Variants in TNKS2 observed in about 807,000 individuals in gnomAD.
TNKS2 encodes tankyrase 2.
A neutral mutation model predicts 137.6 loss-of-function variants in TNKS2; 72 were observed. The ratio of observed to expected loss-of-function variants is 0.52; its 90% CI spans 0.43 to 0.64. The LOEUF (loss-of-function observed/expected upper bound fraction) is 0.64, where lower values mean the gene tolerates loss of function less well. Among genes scored for constraint, TNKS2 ranks in the 30% least tolerant of loss-of-function variants. TNKS2 has a pLI of 0.00. For synonymous variants in TNKS2, 516 were observed against 512.1 expected, an observed-to-expected ratio of 1.01 and a Z score of -0.10; for missense variants, 1,049 against 1,410.2, an observed-to-expected ratio of 0.74 and a Z score of 4.10.
intron 25 of TNKS2, among the ~76,000 whole-genome samples, chr10:91,861,627 G>T (rs1359621619): frequency 1.3e-5 from 2 of 152,154 alleles, no homozygotes; most frequent in African/African-American, 4.8e-5. Flanking sequence ...AAATCAACTG[G>T]AGTTAATTAG....
chr10:91,836,617 T>C, intron 12 of TNKS2: 3 of 984,362 alleles, frequency 3.0e-6, no homozygotes, highest in Non-Finnish European at 3.6e-6. Context: ...TTCCAATGGC[T>C]TGCTTATAGA....
intron 1 of TNKS2, chr10:91,807,551 T>C (rs535937326): frequency 2.1e-6 from 2 of 960,928 alleles, no homozygotes; most frequent in East Asian, 5.0e-5. Context: ...CCATTCTTTC[T>C]TAGCTTTACT....
Position 91,845,894 on chromosome 10 carries a change from C to T in TNKS2, c.2312C>T (p.Pro771Leu), listed in dbSNP as rs768675706. ...TTGTTGCTAGCCCATGGAGCTGACC[C>T]GACTCTTAAAAATCAGGAAGGACAA... is the stretch of plus-strand genomic sequence containing the variant. ...CALLLAHGAD[P>L]TLKNQEGQTP... Residue 771 changes from proline to leucine, a missense_variant, in exon 18 of 27, where the codon CCG becomes CTG. By Grantham distance (98) the Pro-to-Leu change is moderately conservative (BLOSUM62 -3). Transcript: ENST00000371627. 11 of 1,588,072 alleles carry T rather than the reference C, an allele frequency of 6.9e-6. No homozygotes were observed. The highest frequency in any genetic ancestry group is 3.4e-5 in the Admixed American group (2 of 58,848).
chr10:91,857,984 A>G (rs1298869132), intron 24 of TNKS2, among the ~76,000 whole-genome samples: 1 of 152,206 alleles, frequency 6.6e-6, no homozygotes, highest in Non-Finnish European at 1.5e-5. Flanking sequence ...ATGACTGTAG[A>G]ATTGAAACCA....
chr10:91,849,433 C>T (rs535919595), intron 19 of TNKS2, 79 bp from the exon 20 acceptor site: 267 of 1,093,846 alleles, frequency 2.4e-4, no homozygotes, highest in Non-Finnish European at 3.2e-4. Context: ...AGTAACATTA[C>T]AAGACTTTAC....
chr10:91,862,353 G>T (rs1243632907), intron 26 of TNKS2, among the ~76,000 whole-genome samples, 198 bp downstream of exon 26: 1 of 152,092 alleles, frequency 6.6e-6, no homozygotes, highest in Non-Finnish European at 1.5e-5. Flanking sequence ...TTTCCTAAAT[G>T]TTAATATTTT....
chr10:91,859,044 A>G (rs979459332), intron 24 of TNKS2, among the ~76,000 whole-genome samples: 1 of 152,144 alleles, frequency 6.6e-6, no homozygotes, highest in Non-Finnish European at 1.5e-5. Context: ...GTGAAAGTCT[A>G]CTTGGGCCAC....
At chr10:91,850,618 C>T (rs1191472326) in intron 20 of TNKS2, among the ~76,000 whole-genome samples, 3 of 151,618 alleles carry the variant, frequency 2.0e-5, no homozygotes, top group Non-Finnish European at 4.4e-5. Flanking sequence ...ACTCAGGAGG[C>T]TGAGGCAGGA....
In TNKS2 at chr10:91,842,216, T is replaced by G; in HGVS notation, c.1884T>G (p.Pro628=). The change falls in exon 16 of 27, where the codon CCT becomes CCG. Residue 628 remains proline, a synonymous_variant. Coordinates refer to ENST00000371627, the MANE Select transcript of TNKS2 (RefSeq NM_025235.4). Reference sequence around the variant, plus strand: ...AAAAAAACAGGGATGGAAATACTCCTTTGGATCTTGTTAAAGATGGAGATA... The same window carrying G: ...AAAAAAACAGGGATGGAAATACTCCGTTGGATCTTGTTAAAGATGGAGATA... ...PTKKNRDGNT[P]LDLVKDGDTD... 1.9e-6 allele frequency: 3 copies of G among 1,614,078 alleles called. No individual in the cohort carries two copies. The highest frequency in any genetic ancestry group is 2.5e-6 in the Non-Finnish European group (3 of 1,179,968).
chr10:91,841,651 G>T (rs1488454736), intron 15 of TNKS2, among the ~76,000 whole-genome samples: 1 of 151,874 alleles, frequency 6.6e-6, no homozygotes, highest in African/African-American at 2.4e-5. Flanking sequence ...AGTTATTTTT[G>T]TCTAGAGCCA....
chr10:91,815,773 G>GTATA (rs1171308746), intron 2 of TNKS2, among the ~76,000 whole-genome samples: 1 of 151,892 alleles, frequency 6.6e-6, no homozygotes, highest in East Asian at 1.9e-4. Flanking sequence ...AACAGCACTG[G>GTATA]TATATATAGG....
Position 91,809,559 on chromosome 10 carries a change from G to A in TNKS2, c.200-3424G>A, listed in dbSNP as rs1187592534. Among the ~76,000 whole-genome samples the A allele has an allele frequency of 9.9e-5, 15 of 151,868 alleles. No individual in the cohort carries two copies. In the South Asian group the frequency reaches 1.3e-3, roughly 13 times the overall value. On this transcript the variant is annotated intron_variant, in intron 1 of 26. Coordinates refer to ENST00000371627, the MANE Select transcript of TNKS2 (RefSeq NM_025235.4). Reference sequence around the variant, plus strand: ...CGGGCGCCTGTAGTCCCAGCTACTCGGGAGGCTGAGGCAGGAGAATGGCGT... The same window carrying A: ...CGGGCGCCTGTAGTCCCAGCTACTCAGGAGGCTGAGGCAGGAGAATGGCGT...
chr10:91,851,349 A>G lies in TNKS2; in HGVS notation c.2815+13A>G. 6.2e-7 allele frequency: 1 copy of G among 1,608,536 alleles called. No individual in the cohort carries two copies. Among genetic ancestry groups the G allele is most frequent in the Non-Finnish European group, 8.5e-7 (1 of 1,178,776 alleles). On this transcript the variant is annotated intron_variant, in intron 21 of 26. Coordinates refer to ENST00000371627, the MANE Select transcript of TNKS2 (RefSeq NM_025235.4). ...TCCGGACAACAAGGTATTTTATTTTAATAATTGCTGTTGTCAGTTTAACAG... is the reference window on the plus strand; with the variant it reads ...TCCGGACAACAAGGTATTTTATTTTGATAATTGCTGTTGTCAGTTTAACAG...
At chr10:91,827,321 C>T (rs1183370327) in intron 8 of TNKS2, 118 bp downstream of exon 8, 1 of 802,198 alleles carries the variant, frequency 1.2e-6, no homozygotes, top group African/African-American at 1.8e-5. Context: ...TAGCCATGGG[C>T]ATCCACTGTT....
intron 21 of TNKS2, 124 bp from the exon 22 acceptor site, chr10:91,854,905 A>C (rs1842656498): frequency 3.9e-6 from 2 of 506,478 alleles, no homozygotes; most frequent in Non-Finnish European, 6.8e-6. Context: ...TCTCAAAAAA[A>C]AAAAAAAAAG....
intron 1 of TNKS2, among the ~76,000 whole-genome samples, chr10:91,806,954 T>G (rs1490140657): frequency 6.6e-6 from 1 of 152,236 alleles, no homozygotes; most frequent in Non-Finnish European, 1.5e-5. Flanking sequence ...CTAAGACAGA[T>G]GCATTTCTTG....
chr10:91,832,346 A>G (rs558917237), intron 11 of TNKS2, among the ~76,000 whole-genome samples: 2 of 152,254 alleles, frequency 1.3e-5, no homozygotes, highest in African/African-American at 4.8e-5. Context: ...GTGACCAACC[A>G]TTCAGTTTTG....
rs1250965086 is a variant in TNKS2, at chr10:91,845,885, G to A, written c.2303G>A (p.Gly768Glu). 1 of 1,599,256 alleles carries A rather than the reference G, an allele frequency of 6.3e-7. No homozygotes were observed. The highest frequency in any genetic ancestry group is 1.1e-5 in the South Asian group (1 of 89,888). The change falls in exon 18 of 27, where the codon GGA becomes GAA. Residue 768 changes from glycine (G) to glutamate (E), a missense_variant. Gly to Glu is a moderately conservative substitution (Grantham distance 98, BLOSUM62 -2). This residue lies in a region of TNKS2 where 208 missense variants were observed against 231.2 expected (regional missense o/e 0.90). Transcript: ENST00000371627. ...TQLCALLLAH[G>E]ADPTLKNQEG... ...CTTTGTGCTTTGTTGCTAGCCCATG[G>A]AGCTGACCCGACTCTTAAAAATCAG...
intron 12 of TNKS2, 139 bp downstream of exon 12, chr10:91,834,163 A>T (rs1040174068): frequency 8.7e-6 from 5 of 575,710 alleles, no homozygotes; most frequent in Non-Finnish European, 1.1e-5. Flanking sequence ...TTATACTTTT[A>T]ATCAGCTGAA....
Sources: allele counts gnomAD v4.1 joint callset (sites outside exome capture counted in the v4.1 genomes callset), GRCh38; gene constraint gnomAD v4.1.1; regional missense constraint gnomAD v4.1.1; transcripts MANE v1.5; gene names NCBI Gene and HGNC (gene_info 2026-07-23, HGNC 2026-07-21).